Variants in SCN1A observed in about 807,000 individuals in gnomAD.
SCN1A encodes sodium channel protein type 1 subunit alpha.
Under a neutral mutation model 193.7 loss-of-function variants are expected in SCN1A, and 13 were observed. The observed-to-expected ratio is 0.07, with a 90% CI of 0.04 to 0.11. The LOEUF (loss-of-function observed/expected upper bound fraction) is 0.11. SCN1A is among the 10% of genes least tolerant of loss of function. The probability of loss-of-function intolerance (pLI) is 1.00; values close to 1 mark genes in which losing one functional copy is unlikely to be tolerated. For synonymous variants in SCN1A, 781 were observed against 843.6 expected (o/e 0.93, Z 1.29); for missense variants, 1,432 against 2,451.1 (o/e 0.58, Z 8.78).
At chr2:166,132,754 A>G (rs928749981), upstream of SCN1A, among the ~76,000 whole-genome samples, 1 of 152,182 alleles carries the variant, frequency 6.6e-6, no homozygotes, top group African/African-American at 2.4e-5. Flanking sequence ...GGTAAAGTCC[A>G]TACATTCCAT....
intron 2 of SCN1A, among the ~76,000 whole-genome samples, chr2:166,105,402 C>T (rs1688575639): frequency 1.3e-5 from 2 of 152,356 alleles, no homozygotes; most frequent in South Asian, 2.1e-4. Flanking sequence ...TTACAGACCT[C>T]ATACACATTA....
At chr2:166,103,755 G>T (rs1040424824) in intron 2 of SCN1A, among the ~76,000 whole-genome samples, 7 of 152,118 alleles carry the variant, frequency 4.6e-5, no homozygotes, top group Non-Finnish European at 1.0e-4. Flanking sequence ...CACTAATAGT[G>T]TTTAAAAGCA....
intron 8 of SCN1A, among the ~76,000 whole-genome samples, chr2:166,052,378 G>A (rs901109672): frequency 1.3e-5 from 2 of 151,896 alleles, no homozygotes; most frequent in African/African-American, 4.8e-5. Flanking sequence ...TTTATAAGTA[G>A]GAAAGATTTT....
At chr2:166,144,722 C>T (rs1363406988) in intron 1 of SCN1A, among the ~76,000 whole-genome samples, 1 of 152,020 alleles carries the variant, frequency 6.6e-6, no homozygotes, top group Admixed American at 6.6e-5. Context: ...TTGAGTTTTG[C>T]TTTGTAGGAT....
intron 2 of SCN1A, among the ~76,000 whole-genome samples, chr2:166,124,272 G>T (rs1312399519): frequency 6.6e-6 from 1 of 151,596 alleles, no homozygotes; most frequent in Non-Finnish European, 1.5e-5. Flanking sequence ...CAAATAGCCC[G>T]GTGTGATGGC....
chr2:166,103,205 C>G lies in SCN1A; in HGVS notation c.-142+23719G>C, dbSNP rs773854040. 2.8e-4 allele frequency among the ~76,000 whole-genome samples: 42 copies of G among 152,086 alleles called. 1 individual carries two copies. Among genetic ancestry groups the G allele is most frequent in the Non-Finnish European group, 4.7e-4 (32 of 68,028 alleles). On this transcript the variant is annotated intron_variant, in intron 2 of 28. Transcript: ENST00000674923. Reference sequence around the variant, plus strand: ...GTGGCTCACGCCTGTAATCCCAGCACTTTGGGAAGCCAAGGAGGGCGGATC... The same window carrying G: ...GTGGCTCACGCCTGTAATCCCAGCAGTTTGGGAAGCCAAGGAGGGCGGATC...
intron 2 of SCN1A, among the ~76,000 whole-genome samples, chr2:166,123,223 CAAAAAAAAAAAAAAAAAA>C (rs57488795): frequency 5.2e-5 from 6 of 116,416 alleles, no homozygotes; most frequent in African/African-American, 1.0e-4. Context: ...CATTCATTTG[CAAAAAAAAAAAAAAAAAA>C]AAAAAAAAAA....
At chr2:166,049,044 G>C (rs1698220335) in intron 9 of SCN1A, 95 bp from the exon 10 acceptor site, 1 of 777,208 alleles carries the variant, frequency 1.3e-6, no homozygotes, top group South Asian at 1.4e-5. Context: ...TAAGTTTATT[G>C]AGTAATTTTA....
chr2:166,036,834 T>A (rs758923182), intron 18 of SCN1A, among the ~76,000 whole-genome samples: 9 of 152,188 alleles, frequency 5.9e-5, no homozygotes, highest in Admixed American at 4.6e-4. Context: ...GAAAACAGAT[T>A]TATATGTGTA....
Position 166,045,073 on chromosome 2 carries a change from T to C in SCN1A, c.1632A>G (p.Thr544=), listed in dbSNP as rs1697633357. The part of the protein sequence containing the change: ...FRFSIEGNRL[T]YEKRYSSPHQ... Reference sequence around the variant, plus strand: ...GTGGGGAGGAGTACCTCTTTTCATATGTCAATCGGTTCCCTTCAATGGAGA... The same window carrying C: ...GTGGGGAGGAGTACCTCTTTTCATACGTCAATCGGTTCCCTTCAATGGAGA... Residue 544 remains threonine (T), a synonymous_variant, in exon 13 of 29, where the codon ACA becomes ACG. Transcript: ENST00000674923. 1.2e-6 allele frequency: 2 copies of C among 1,614,184 alleles called. No homozygotes were observed. Among genetic ancestry groups the C allele is most frequent in the Non-Finnish European group, 8.5e-7 (1 of 1,180,018 alleles).
chr2:166,024,140 G>A (rs1275820876), intron 19 of SCN1A, among the ~76,000 whole-genome samples: 3 of 151,944 alleles, frequency 2.0e-5, no homozygotes, highest in Admixed American at 1.3e-4. Flanking sequence ...GTGGGAGGAC[G>A]GCTTGAGCCC....
chr2:166,051,670 A>C, intron 9 of SCN1A, 49 bp downstream of exon 9: 1 of 1,430,084 alleles, frequency 7.0e-7, no homozygotes, highest in African/African-American at 1.4e-5. Flanking sequence ...TGTGTTACAA[A>C]CAATCCAATT....
Position 165,991,453 on chromosome 2 carries a change from G to A in SCN1A, c.5822C>T (p.Thr1941Met), listed in dbSNP as rs756845310. 20 of 1,613,676 alleles carry A rather than the reference G, an allele frequency of 1.2e-5. No homozygotes were observed. Among genetic ancestry groups the A allele is most frequent in the African/African-American group, 4.0e-5 (3 of 74,864 alleles). The change falls in exon 29 of 29, where the codon ACG becomes ATG. Residue 1941 changes from threonine (T) to methionine (M), a missense_variant. Thr to Met is a moderately conservative substitution (Grantham distance 81). Around this residue, in one of 18 missense-constraint regions of SCN1A, gnomAD observed 148 missense variants for 160.3 expected, o/e 0.92. Transcript: ENST00000674923. ...LKRTVKQASF[T>M]YNKNKIKGGA... ...ACCTTTGATTTTGTTTTTATTGTACGTAAAGGAAGCTTGTTTTACAGTTCG... is the reference window on the plus strand; with the variant it reads ...ACCTTTGATTTTGTTTTTATTGTACATAAAGGAAGCTTGTTTTACAGTTCG...
intron 24 of SCN1A, among the ~76,000 whole-genome samples, chr2:166,001,417 T>C (rs1690816663): frequency 1.3e-5 from 2 of 151,802 alleles, no homozygotes; most frequent in African/African-American, 2.4e-5. Context: ...GTAATCATAG[T>C]TGACACCTCT....
At chr2:166,002,366 G>A (rs1574003575) in intron 24 of SCN1A, 106 bp downstream of exon 24, 2 of 1,211,874 alleles carry the variant, frequency 1.7e-6, no homozygotes, top group East Asian at 5.1e-5. Flanking sequence ...TTTTTAAATA[G>A]AAAGAAATAT....
chr2:166,113,590 A>G (rs1273778207), intron 2 of SCN1A, among the ~76,000 whole-genome samples: 1 of 152,124 alleles, frequency 6.6e-6, no homozygotes, highest in Non-Finnish European at 1.5e-5. Flanking sequence ...GTGTGCTATA[A>G]TTTTAAACAG....
rs375896308 is a variant in SCN1A, at chr2:166,009,835, A to G, written c.3886T>C (p.Leu1296=). 2.5e-4 allele frequency: 401 copies of G among 1,606,452 alleles called. 2 individuals carry two copies. The South Asian group carries it at 4.0e-3, about 16-fold the overall frequency. The change falls in exon 23 of 29, where the codon TTG becomes CTG. Residue 1296 remains leucine (L), a synonymous_variant. Coordinates refer to ENST00000674923, the MANE Select transcript of SCN1A (RefSeq NM_001165963.4). ...WLDFLIVDVS[L]VSLTANALGY... is the part of the protein sequence containing the mutation. ...AAGGCATTTGCTGTTAAACTGACCA[A>G]TGAAACCTGCACACACAAAAATAAT...
intron 2 of SCN1A, among the ~76,000 whole-genome samples, chr2:166,093,365 G>A (rs1367936929): frequency 1.3e-5 from 2 of 151,292 alleles, no homozygotes; most frequent in African/African-American, 4.9e-5. Flanking sequence ...TTGAGATGGA[G>A]TCTCACTCTG....
intron 4 of SCN1A, among the ~76,000 whole-genome samples, chr2:166,062,165 G>A (rs974210231): frequency 4.6e-5 from 7 of 152,216 alleles, no homozygotes; most frequent in African/African-American, 1.7e-4. Flanking sequence ...GATTTCTTCT[G>A]TGAGAACTCC....
Sources: gnomAD v4.1 joint callset for allele counts (sites outside exome capture counted in the v4.1 genomes callset) on GRCh38, gnomAD v4.1.1 for gene constraint, gnomAD v4.1.1 regional missense constraint, MANE v1.5 for transcripts, NCBI Gene and HGNC (gene_info 2026-07-23, HGNC 2026-07-21) for gene names.